The following ZNF609 variants were observed in gnomAD, a reference collection of about 807,000 sequenced individuals.
The protein encoded by ZNF609 is zinc finger protein 609.
In ZNF609, 11 loss-of-function variants were observed where a neutral mutation model predicts 109.5. The ratio of observed to expected loss-of-function variants is 0.10; its 90% CI spans 0.06 to 0.17. ZNF609 has a LOEUF of 0.17. Ranked by LOEUF, ZNF609 falls within the 10% of genes least tolerant of loss-of-function variation. The pLI is 1.00. For missense variants in ZNF609, 1,559 were observed against 1,772.4 expected (o/e 0.88, Z 2.16); for synonymous variants, 646 against 662.0 (o/e 0.98, Z 0.37).
chr15:64,574,826 C>T (rs1180330563), intron 2 of ZNF609, among the ~76,000 whole-genome samples: 1 of 152,066 alleles, frequency 6.6e-6, no homozygotes, highest in African/African-American at 2.4e-5. Flanking sequence ...TCAGAACTCT[C>T]TTTCTAAGGT....
At chr15:64,618,088 G>A (rs923861852) in intron 2 of ZNF609, among the ~76,000 whole-genome samples, 6 of 150,124 alleles carry the variant, frequency 4.0e-5, no homozygotes, top group Non-Finnish European at 2.9e-5. Flanking sequence ...TTATATTTTA[G>A]GTATATGAAA....
intron 2 of ZNF609, among the ~76,000 whole-genome samples, chr15:64,572,709 A>G (rs1894876709): frequency 6.6e-6 from 1 of 151,622 alleles, no homozygotes; most frequent in Non-Finnish European, 1.5e-5. Flanking sequence ...CCTGACCAAC[A>G]TGGAGAAACC....
chr15:64,509,575 C>T (rs924199376), intron 2 of ZNF609, among the ~76,000 whole-genome samples: 4 of 152,104 alleles, frequency 2.6e-5, no homozygotes, highest in Non-Finnish European at 5.9e-5. Flanking sequence ...TACTGATTTC[C>T]AAGAAGGCTT....
intron 2 of ZNF609, among the ~76,000 whole-genome samples, chr15:64,602,668 T>C (rs2140949510): frequency 6.6e-6 from 1 of 151,714 alleles, no homozygotes; most frequent in Admixed American, 6.6e-5. Flanking sequence ...AGCAAGCTCA[T>C]GACTCATGAC....
At chr15:64,470,194 G>C (rs1247011200) in intron 1 of ZNF609, 1 of 152,154 alleles carries the variant, frequency 6.6e-6, no homozygotes, top group Non-Finnish European at 1.5e-5. Context: ...ACAAAAGTGT[G>C]CCACCATGCT....
chr15:64,582,698 C>CTCTT (rs201473224), intron 2 of ZNF609, among the ~76,000 whole-genome samples: 13 of 144,824 alleles, frequency 9.0e-5, no homozygotes, highest in East Asian at 2.0e-4. Flanking sequence ...TATCCATTCA[C>CTCTT]TCTTTCTTTC....
At chr15:64,551,607 G>A (rs1169287540) in intron 2 of ZNF609, among the ~76,000 whole-genome samples, 11 of 137,778 alleles carry the variant, frequency 8.0e-5, no homozygotes, top group East Asian at 2.0e-4. Flanking sequence ...AGCCGAGATC[G>A]CGCCACTGCA....
chr15:64,512,410 T>C (rs548461500), intron 2 of ZNF609, among the ~76,000 whole-genome samples: 1 of 152,328 alleles, frequency 6.6e-6, no homozygotes, highest in South Asian at 2.1e-4. Flanking sequence ...TTATGGCTAA[T>C]CCAAAACCAG....
At chr15:64,537,073 A>G (rs57170076) in intron 2 of ZNF609, among the ~76,000 whole-genome samples, 2,402 of 151,822 alleles carry the variant, frequency 0.016, 68 homozygotes, top group African/African-American at 0.055. Context: ...AAATACAAAA[A>G]TTAGCCAGGT....
chr15:64,578,980 TGACA>T (rs1450704473), intron 2 of ZNF609, among the ~76,000 whole-genome samples: 1 of 152,090 alleles, frequency 6.6e-6, no homozygotes, highest in African/African-American at 2.4e-5. Context: ...CCAGCCTGGG[TGACA>T]GAGAGAGAAC....
At chr15:64,564,004 C>T (rs1035097463) in intron 2 of ZNF609, among the ~76,000 whole-genome samples, 1 of 152,000 alleles carries the variant, frequency 6.6e-6, no homozygotes, top group Non-Finnish European at 1.5e-5. Context: ...CTGCCTTAGC[C>T]TCCCGAGTAG....
At chr15:64,621,962 G>A (rs918846986) in intron 2 of ZNF609, among the ~76,000 whole-genome samples, 1 of 151,908 alleles carries the variant, frequency 6.6e-6, no homozygotes, top group Non-Finnish European at 1.5e-5. Context: ...CTGACCTCAG[G>A]TGATCTGCCC....
intron 2 of ZNF609, among the ~76,000 whole-genome samples, chr15:64,510,210 T>TC (rs1374003258): frequency 1.3e-5 from 2 of 150,542 alleles, no homozygotes; most frequent in Admixed American, 6.6e-5. Context: ...TTTTTCTTTT[T>TC]TTTTTTTTTT....
intron 2 of ZNF609, among the ~76,000 whole-genome samples, chr15:64,611,921 G>A (rs1895722001): frequency 6.6e-6 from 1 of 150,838 alleles, no homozygotes; most frequent in Non-Finnish European, 1.5e-5. Context: ...ATTTTTTGTA[G>A]AGATGGGGTT....
At chr15:64,619,146 GTTGTTTTTGTTT>G (rs564908906) in intron 2 of ZNF609, among the ~76,000 whole-genome samples, 11 of 152,258 alleles carry the variant, frequency 7.2e-5, no homozygotes, top group African/African-American at 2.6e-4. Context: ...CACCCAGCTA[GTTGTTTTTGTTT>G]TTGTTTTTGT....
At chr15:64,544,004 C>G (rs551578997) in intron 2 of ZNF609, among the ~76,000 whole-genome samples, 2 of 152,170 alleles carry the variant, frequency 1.3e-5, no homozygotes, top group Non-Finnish European at 2.9e-5. Context: ...GACTGACTCT[C>G]ATTTATGTTA....
At chr15:64,582,437 C>T (rs1204080049) in intron 2 of ZNF609, among the ~76,000 whole-genome samples, 1 of 152,172 alleles carries the variant, frequency 6.6e-6, no homozygotes, top group East Asian at 1.9e-4. Context: ...TCCGTCAATC[C>T]TTTGACACTG....
At chr15:64,624,946 G>C (rs1216583111) in intron 3 of ZNF609, among the ~76,000 whole-genome samples, 1 of 151,906 alleles carries the variant, frequency 6.6e-6, no homozygotes, top group Non-Finnish European at 1.5e-5. Flanking sequence ...TTTTAGTAGA[G>C]ATGGGGTTTC....
rs537349789 is a variant in ZNF609 at position 64,596,484 on chromosome 15, T to C, written c.748-26343T>C. On this transcript the variant is annotated intron_variant, in intron 2 of 9. Coordinates refer to ENST00000326648, the MANE Select transcript of ZNF609 (RefSeq NM_015042.2). Reference sequence around the variant, plus strand: ...CTCTTTCTTGCCTTAGGAGTTTGCATATGCTGTTCCCTCTGCCTATAGTGC... The same window carrying C: ...CTCTTTCTTGCCTTAGGAGTTTGCACATGCTGTTCCCTCTGCCTATAGTGC... Among the ~76,000 whole-genome samples the C allele has an allele frequency of 6.6e-5, 10 of 152,304 alleles. No homozygotes were observed. The South Asian group carries it at 1.9e-3, about 28-fold the overall frequency.
Sources: gnomAD v4.1 joint callset for allele counts (sites outside exome capture counted in the v4.1 genomes callset) on GRCh38, gnomAD v4.1.1 for gene constraint, MANE v1.5 for transcripts, NCBI Gene and HGNC (gene_info 2026-07-23, HGNC 2026-07-21) for gene names.